Variants in DNAH7 observed in about 807,000 individuals in gnomAD.
DNAH7 encodes axonemal beta dynein heavy chain 7.
DNAH7 carries 397 observed loss-of-function variants against 444.6 expected under a neutral mutation model. The ratio of observed to expected loss-of-function variants is 0.89; its 90% CI spans 0.82 to 0.97. DNAH7 has a LOEUF of 0.97. Ranked by LOEUF, DNAH7 falls within the 50% of genes least tolerant of loss-of-function variation. The pLI is 0.00. For synonymous variants in DNAH7, 1,636 were observed against 1,624.4 expected (o/e 1.01, Z -0.17); for missense variants, 4,902 against 4,800.8 (o/e 1.02, Z -0.62).
At chr2:195,800,190 C>G (rs942461520) in intron 54 of DNAH7, among the ~76,000 whole-genome samples, 2 of 152,158 alleles carry the variant, frequency 1.3e-5, no homozygotes, top group African/African-American at 4.8e-5. Context: ...CCTCACACCT[C>G]CCATTAGGCC....
At chr2:195,744,110 CAAAG>C (rs1464054594) in intron 63 of DNAH7, among the ~76,000 whole-genome samples, 1 of 152,240 alleles carries the variant, frequency 6.6e-6, no homozygotes, top group Non-Finnish European at 1.5e-5. Context: ...CTTTCCTAGT[CAAAG>C]AAAGGGGTGA....
In DNAH7 at chr2:195,858,531, T is replaced by A. The variant is rs772559965; in HGVS notation, c.8010A>T (p.Ala2670=). Reference sequence around the variant, plus strand: ...CTGACTCTAATATTGGCAAGGCACCTGCCAGGTCAGCATCGCACTCATCTT... The same window carrying A: ...CTGACTCTAATATTGGCAAGGCACCAGCCAGGTCAGCATCGCACTCATCTT... ...AIKDECDADL[A]GALPILESAL... Residue 2670 remains alanine (A), a synonymous_variant, in exon 43 of 65, where the codon GCA becomes GCT. Transcript: ENST00000312428. 10 of 1,613,764 alleles carry A rather than the reference T, an allele frequency of 6.2e-6. No homozygotes were observed. The highest frequency in any genetic ancestry group is 8.5e-6 in the Non-Finnish European group (10 of 1,179,892).
intron 47 of DNAH7, among the ~76,000 whole-genome samples, chr2:195,839,142 T>G (rs1268093808): frequency 6.6e-6 from 1 of 151,574 alleles, no homozygotes; most frequent in Non-Finnish European, 1.5e-5. Flanking sequence ...CCTTAAAAAA[T>G]TTTAAACAAC....
chr2:195,745,124 G>A (rs1479640706), intron 63 of DNAH7, among the ~76,000 whole-genome samples: 1 of 152,216 alleles, frequency 6.6e-6, no homozygotes, highest in Non-Finnish European at 1.5e-5. Flanking sequence ...TTAGACGAAT[G>A]TGTAACTAGA....
intron 2 of DNAH7, among the ~76,000 whole-genome samples, chr2:196,056,030 G>C (rs1417667938): frequency 1.3e-5 from 2 of 152,192 alleles, no homozygotes; most frequent in Admixed American, 1.3e-4. Flanking sequence ...ACCAAGACAA[G>C]CAGCCACACA....
chr2:196,043,649 C>A (rs931874848), intron 5 of DNAH7, among the ~76,000 whole-genome samples: 1 of 151,484 alleles, frequency 6.6e-6, no homozygotes. Context: ...AGAATAAATT[C>A]GCAAACTATG....
chr2:195,799,709 T>C (rs1696356698), intron 54 of DNAH7, among the ~76,000 whole-genome samples: 1 of 152,118 alleles, frequency 6.6e-6, no homozygotes, highest in African/African-American at 2.4e-5. Context: ...TTCAAAGACT[T>C]TTTTTGTCCC....
intron 12 of DNAH7, among the ~76,000 whole-genome samples, chr2:195,998,564 CA>C (rs539748720): frequency 0.17 from 16,703 of 96,848 alleles, 1,135 homozygotes; most frequent in African/African-American, 0.29. Flanking sequence ...GACTCCAACT[CA>C]AAAAAAAAAA....
At chr2:195,754,665 C>T in intron 62 of DNAH7, 151 bp from the exon 63 acceptor site, 1 of 702,982 alleles carries the variant, frequency 1.4e-6, no homozygotes, top group South Asian at 2.3e-5. Context: ...CACATACCAC[C>T]ATGCCTGGCT....
In DNAH7 at chr2:195,775,973, T is replaced by G; in HGVS notation, c.11075A>C (p.Tyr3692Ser). ...FVPPSGDHKS[Y>S]IEYTKTLPLT... ...TGGCAGAGTCTTTGTGTATTCGATGTAGCTTTTGTGCTGCAGAGATGAATA... is the reference window on the plus strand; with the variant it reads ...TGGCAGAGTCTTTGTGTATTCGATGGAGCTTTTGTGCTGCAGAGATGAATA... Residue 3692 changes from tyrosine (Y) to serine (S), a missense_variant, in exon 60 of 65, where the codon TAC (tyrosine) becomes TCC (serine). Coordinates refer to ENST00000312428, the MANE Select transcript of DNAH7 (RefSeq NM_018897.3). 13 of 1,614,082 alleles carry G rather than the reference T, an allele frequency of 8.1e-6. No homozygotes were observed. The highest frequency in any genetic ancestry group is 1.1e-5 in the Non-Finnish European group (13 of 1,180,000).
At position 195,825,500 on chromosome 2, in the gene DNAH7, TTC is replaced by T. The variant is rs146612714; in HGVS notation, c.9101-1057_9101-1056del. Among the ~76,000 whole-genome samples, 128 of 152,332 alleles carry T rather than the reference TTC, an allele frequency of 8.4e-4. No homozygotes were observed. The East Asian group carries it at 0.023, about 27-fold the overall frequency. ...TGCATAATAGTGTATCATATTAGTG[TTC>T]TCTTTTTTAAACCAGTATTCAATTA... On this transcript the variant is annotated intron_variant, in intron 48 of 64. Coordinates refer to ENST00000312428, the MANE Select transcript of DNAH7 (RefSeq NM_018897.3).
chr2:196,052,456 C>G (rs1300034381), intron 2 of DNAH7, among the ~76,000 whole-genome samples: 7 of 152,192 alleles, frequency 4.6e-5, no homozygotes, highest in African/African-American at 1.7e-4. Context: ...GTACAAAACA[C>G]AAAGAATGTA....
chr2:195,962,594 C>A (rs959960368), intron 17 of DNAH7, among the ~76,000 whole-genome samples: 2 of 152,202 alleles, frequency 1.3e-5, no homozygotes, highest in Non-Finnish European at 2.9e-5. Context: ...AAGTGATCTG[C>A]CTGCCTTGGC....
intron 24 of DNAH7, among the ~76,000 whole-genome samples, 200 bp downstream of exon 24, chr2:195,921,888 T>G (rs1688049082): frequency 6.6e-6 from 1 of 152,094 alleles, no homozygotes; most frequent in South Asian, 2.1e-4. Flanking sequence ...TACTAATACT[T>G]AGAGCCCTAG....
intron 22 of DNAH7, 148 bp downstream of exon 22, chr2:195,926,278 T>A (rs1416113887): frequency 7.1e-6 from 5 of 706,296 alleles, no homozygotes; most frequent in Non-Finnish European, 1.0e-5. Flanking sequence ...ATGTGCAATT[T>A]TTATTTAAAA....
intron 5 of DNAH7, among the ~76,000 whole-genome samples, chr2:196,045,183 AGAGGAGAAGGAG>A (rs1697029917): frequency 6.9e-6 from 1 of 145,874 alleles, no homozygotes; most frequent in African/African-American, 2.6e-5. Flanking sequence ...GAGGAAGAGA[AGAGGAGAAGGAG>A]GAGGAAAAGG....
intron 54 of DNAH7, among the ~76,000 whole-genome samples, chr2:195,804,483 T>C (rs1696618194): frequency 6.6e-6 from 1 of 152,206 alleles, no homozygotes; most frequent in Non-Finnish European, 1.5e-5. Flanking sequence ...ATCACCACGA[T>C]AGACTGAGTT....
chr2:195,870,413 C>G (rs1700608726), intron 40 of DNAH7, among the ~76,000 whole-genome samples: 1 of 152,110 alleles, frequency 6.6e-6, no homozygotes, highest in Non-Finnish European at 1.5e-5. Context: ...CTGCAGATAA[C>G]AGAGAAAGAG....
At chr2:196,058,756 A>G (rs1697967983) in intron 1 of DNAH7, among the ~76,000 whole-genome samples, 1 of 152,210 alleles carries the variant, frequency 6.6e-6, no homozygotes, top group Admixed American at 6.5e-5. Context: ...GATGCAATAC[A>G]CCCTGAAAAT....
Sources: allele counts gnomAD v4.1 joint callset (sites outside exome capture counted in the v4.1 genomes callset), GRCh38; gene constraint gnomAD v4.1.1; transcripts MANE v1.5; gene names NCBI Gene and HGNC (gene_info 2026-07-23, HGNC 2026-07-21).